Variants in RIMS2 observed in about 807,000 individuals in gnomAD.
The protein encoded by RIMS2 is regulating synaptic membrane exocytosis 2.
Under a neutral mutation model 174.4 loss-of-function variants are expected in RIMS2, and 59 were observed. The observed-to-expected ratio is 0.34, with a 90% CI of 0.27 to 0.42. The LOEUF (loss-of-function observed/expected upper bound fraction) is 0.42. RIMS2 is among the 10% of genes least tolerant of loss of function. The pLI is 1.00. For synonymous variants in RIMS2, 606 were observed against 572.5 expected (o/e 1.06, Z -0.84); for missense variants, 1,620 against 1,666.3 (o/e 0.97, Z 0.48).
In RIMS2 at chr8:104,146,374, A is replaced by G. The variant is rs1431481221; in HGVS notation, c.3335-98542A>G. ...AGCCTGGGTGACAGAGCAAAACACCATCTCTAAAAAACAAATGAATAAAAA... is the reference window on the plus strand; with the variant it reads ...AGCCTGGGTGACAGAGCAAAACACCGTCTCTAAAAAACAAATGAATAAAAA... On this transcript the variant is annotated intron_variant, in intron 19 of 23. Coordinates refer to ENST00000504942, the Ensembl canonical transcript of RIMS2. Among the ~76,000 whole-genome samples the G allele has an allele frequency of 2.6e-5, 4 of 152,248 alleles. No homozygotes were observed. In the East Asian group the frequency reaches 7.7e-4, roughly 29 times the overall value.
chr8:103,775,638 C>T (rs1239506981), intron 3 of RIMS2, among the ~76,000 whole-genome samples: 1 of 152,032 alleles, frequency 6.6e-6, no homozygotes, highest in Non-Finnish European at 1.5e-5. Flanking sequence ...TTTTCTGTAG[C>T]ATTTTTATCT....
At chr8:103,776,733 C>A (rs2098322351) in intron 3 of RIMS2, among the ~76,000 whole-genome samples, 1 of 152,014 alleles carries the variant, frequency 6.6e-6, no homozygotes, top group South Asian at 2.1e-4. Flanking sequence ...AAAAATAAAC[C>A]TGTTGAAGAA....
chr8:104,096,356 T>C (rs1356453561), intron 19 of RIMS2, among the ~76,000 whole-genome samples: 1 of 152,172 alleles, frequency 6.6e-6, no homozygotes, highest in East Asian at 1.9e-4. Context: ...GGTTTTTAAA[T>C]AGTACTTGCT....
intron 19 of RIMS2, among the ~76,000 whole-genome samples, chr8:104,027,724 A>G (rs1422030423): frequency 4.6e-5 from 7 of 152,182 alleles, no homozygotes; most frequent in African/African-American, 1.7e-4. Flanking sequence ...GTATGCTACT[A>G]TGAAAATCAA....
intron 3 of RIMS2, among the ~76,000 whole-genome samples, chr8:103,803,789 G>A (rs58135881): frequency 0.049 from 7,402 of 152,282 alleles, 271 homozygotes; most frequent in African/African-American, 0.11. Context: ...TCAGGGATCT[G>A]TGTGGGGTCT....
At chr8:103,972,687 C>T (rs752211664) in intron 15 of RIMS2, among the ~76,000 whole-genome samples, 1 of 152,100 alleles carries the variant, frequency 6.6e-6, no homozygotes, top group Non-Finnish European at 1.5e-5. Flanking sequence ...TTTCACTTGT[C>T]TTAGAACCTT....
At chr8:104,202,239 AG>A (rs2099058520) in intron 19 of RIMS2, among the ~76,000 whole-genome samples, 1 of 152,218 alleles carries the variant, frequency 6.6e-6, no homozygotes, top group Non-Finnish European at 1.5e-5. Flanking sequence ...AATTTTTAAA[AG>A]AGCAGAAGTA....
intron 2 of RIMS2, 95 bp from the exon 6 acceptor site, chr8:103,766,132 C>A: frequency 2.8e-6 from 2 of 722,946 alleles, no homozygotes; most frequent in Non-Finnish European, 4.6e-6. Context: ...GAAGGATAAC[C>A]ACGTAATTTT....
chr8:104,034,811 A>G (rs1292026895), intron 19 of RIMS2, among the ~76,000 whole-genome samples: 1 of 152,128 alleles, frequency 6.6e-6, no homozygotes, highest in African/African-American at 2.4e-5. Context: ...CAGTATAGAT[A>G]AAGATCACTG....
intron 3 of RIMS2, among the ~76,000 whole-genome samples, chr8:103,853,979 G>A (rs2099013244): frequency 6.6e-6 from 1 of 152,080 alleles, no homozygotes; most frequent in African/African-American, 2.4e-5. Context: ...GCCTTGGCCA[G>A]TATGGACATT....
chr8:103,532,249 G>A (rs1172675918), intron 1 of RIMS2, among the ~76,000 whole-genome samples: 1 of 152,196 alleles, frequency 6.6e-6, no homozygotes, highest in Non-Finnish European at 1.5e-5. Flanking sequence ...GCTCTGAGAT[G>A]TGGTCCCAGG....
intron 1 of RIMS2, among the ~76,000 whole-genome samples, chr8:103,599,444 AT>A (rs1009586438): frequency 6.8e-6 from 1 of 147,338 alleles, no homozygotes; most frequent in African/African-American, 2.5e-5. Context: ...GTATATATAT[AT>A]TTTTTTTCTT....
chr8:103,647,096 T>C (rs2135707436), intron 1 of RIMS2, among the ~76,000 whole-genome samples: 1 of 152,320 alleles, frequency 6.6e-6, no homozygotes, highest in South Asian at 2.1e-4. Flanking sequence ...AATTATGCAT[T>C]TTTTGTCTTC....
intron 2 of RIMS2, among the ~76,000 whole-genome samples, chr8:103,732,027 A>G (rs1222532787): frequency 2.0e-5 from 3 of 152,110 alleles, no homozygotes; most frequent in Admixed American, 6.6e-5. Context: ...AGAGTTAGGT[A>G]TTTATTATAG....
rs1045425271 is a variant in RIMS2 at position 103,856,801 on chromosome 8, CT to C, written c.699-28488del. Among the ~76,000 whole-genome samples, 10 of 150,858 alleles carry C rather than the reference CT, an allele frequency of 6.6e-5. No homozygotes were observed. The East Asian group carries it at 1.2e-3, about 18-fold the overall frequency. ...GAAATAGTATAGATAACTCAGTTATCTTTTTTTTTGTTTTTTTTTCTTTGAG... is the reference window on the plus strand; with the variant it reads ...GAAATAGTATAGATAACTCAGTTATCTTTTTTTTGTTTTTTTTTCTTTGAG... On this transcript the variant is annotated intron_variant, in intron 3 of 23. Transcript: ENST00000504942.
chr8:103,623,785 G>C (rs1041682467), intron 1 of RIMS2, among the ~76,000 whole-genome samples: 1 of 145,712 alleles, frequency 6.9e-6, no homozygotes, highest in Non-Finnish European at 1.5e-5. Flanking sequence ...CACCGCGCCC[G>C]GTCTCTTCAT....
intron 10 of RIMS2, among the ~76,000 whole-genome samples, chr8:103,922,218 A>G (rs1259117735): frequency 6.6e-6 from 1 of 151,964 alleles, no homozygotes; most frequent in Non-Finnish European, 1.5e-5. Context: ...GCTCATAGTA[A>G]TCATTGGAGT....
chr8:104,121,909 A>G (rs535058342), intron 19 of RIMS2, among the ~76,000 whole-genome samples: 6 of 152,124 alleles, frequency 3.9e-5, no homozygotes, highest in Non-Finnish European at 8.8e-5. Context: ...TGCAGTGAGC[A>G]TAGATCACGC....
chr8:103,890,206 G>T (rs55738066), intron 4 of RIMS2, among the ~76,000 whole-genome samples: 7,428 of 152,044 alleles, frequency 0.049, 602 homozygotes, highest in African/African-American at 0.17. Flanking sequence ...GGTCATTTGT[G>T]TTGGTTTCAC....
Sources: allele counts gnomAD v4.1 joint callset (sites outside exome capture counted in the v4.1 genomes callset), GRCh38; gene constraint gnomAD v4.1.1; transcripts MANE v1.5; gene names NCBI Gene and HGNC (gene_info 2026-07-23, HGNC 2026-07-21).